The following LDHB variants were observed in gnomAD, a reference collection of about 807,000 sequenced individuals.
LDHB encodes the protein lactate dehydrogenase B.
Under a neutral mutation model 33.4 loss-of-function variants are expected in LDHB, and 18 were observed. The ratio of observed to expected loss-of-function variants is 0.54; its 90% confidence interval spans 0.37 to 0.80. The LOEUF is 0.80. LDHB is among the 30% of genes least tolerant of loss of function. The pLI, the probability that LDHB is intolerant of heterozygous loss-of-function variation, is 0.00. For missense variants in LDHB, 345 were observed against 407.9 expected, an observed-to-expected ratio of 0.85 and a Z score of 1.33; for synonymous variants, 121 against 140.6, an observed-to-expected ratio of 0.86 and a Z score of 0.98.
chr12:21,638,324 C>T (rs374535521), intron 6 of LDHB, 29 bp downstream of exon 6: 1 of 1,117,870 alleles, frequency 8.9e-7, no homozygotes, highest in African/African-American at 1.5e-5. Flanking sequence ...TGAAATTAAT[C>T]ATCTAAAATC....
chr12:21,646,152 A>G (rs1361665695), intron 3 of LDHB, among the ~76,000 whole-genome samples: 2 of 152,224 alleles, frequency 1.3e-5, no homozygotes, highest in African/African-American at 4.8e-5. Flanking sequence ...GACTAATTTT[A>G]TAACAGACTG....
intron 2 of LDHB, 49 bp from the exon 3 acceptor site, chr12:21,647,065 G>T (rs1540405): frequency 2.9e-6 from 3 of 1,032,858 alleles, no homozygotes; most frequent in Non-Finnish European, 4.6e-6. Context: ...TCTAGGATGC[G>T]TCAGCTCACA....
chr12:21,648,394 G>A (rs531440856), intron 2 of LDHB, among the ~76,000 whole-genome samples: 33 of 152,020 alleles, frequency 2.2e-4, no homozygotes, highest in African/African-American at 6.8e-4. Context: ...TGTGGGTTTC[G>A]CATCCCCTGA....
At chr12:21,641,469 AC>A (rs1256118489) in intron 5 of LDHB, among the ~76,000 whole-genome samples, 1 of 152,174 alleles carries the variant, frequency 6.6e-6, no homozygotes, top group Non-Finnish European at 1.5e-5. Flanking sequence ...AGACTGAGAA[AC>A]TGTTCCAGAA....
At chr12:21,645,466 C>T (rs1342563240) in intron 3 of LDHB, among the ~76,000 whole-genome samples, 3 of 152,126 alleles carry the variant, frequency 2.0e-5, no homozygotes, top group African/African-American at 7.2e-5. Context: ...GTCTCCTGCT[C>T]GTCCCTGGGC....
chr12:21,650,231 T>C (rs112178251), intron 2 of LDHB, among the ~76,000 whole-genome samples: 1 of 152,150 alleles, frequency 6.6e-6, no homozygotes, highest in African/African-American at 2.4e-5. Context: ...ATTAACTAAA[T>C]GGATATGTGC....
At chr12:21,636,457 C>G (rs1938219856) in intron 7 of LDHB, among the ~76,000 whole-genome samples, 1 of 151,728 alleles carries the variant, frequency 6.6e-6, no homozygotes, top group African/African-American at 2.4e-5. Context: ...ACCTTAATGT[C>G]AGTTTTTAAA....
At position 21,638,394 on chromosome 12, in the gene LDHB, A is replaced by G. The variant is rs1938274626; in HGVS notation, c.672T>C (p.Asp224=). 3.7e-6 allele frequency: 6 copies of G among 1,611,086 alleles called. No homozygotes were observed. The highest frequency in any genetic ancestry group is 4.5e-5 in the East Asian group (2 of 44,802). Residue 224 remains aspartate (D), a synonymous_variant, in exon 6 of 8, where the codon GAT becomes GAC. Coordinates refer to ENST00000350669, the MANE Select transcript of LDHB (RefSeq NM_002300.8). ...ELNPEMGTDN[D]SENWKEVHKM... ...TATGCACTTCCTTCCAATTTTCACTATCATTGTCAGTTCCCATTTCTGGAT... is the reference window on the plus strand; with the variant it reads ...TATGCACTTCCTTCCAATTTTCACTGTCATTGTCAGTTCCCATTTCTGGAT...
chr12:21,638,923 T>A (rs1259287593), intron 5 of LDHB, among the ~76,000 whole-genome samples: 1 of 151,798 alleles, frequency 6.6e-6, no homozygotes, highest in Non-Finnish European at 1.5e-5. Context: ...GAAAGTGGGG[T>A]AAAAATTATA....
At chr12:21,650,104 A>AAAATG (rs1555165525) in intron 2 of LDHB, among the ~76,000 whole-genome samples, 1 of 1,336 alleles carries the variant, frequency 7.5e-4, no homozygotes, top group Non-Finnish European at 8.5e-3. Context: ...GAGAAAAAAA[A>AAAATG]TACACACACA....
chr12:21,638,964 A>T (rs1015076547), intron 5 of LDHB, among the ~76,000 whole-genome samples: 7 of 152,018 alleles, frequency 4.6e-5, no homozygotes, highest in Non-Finnish European at 8.8e-5. Context: ...AAAGGAGAAG[A>T]GTATCAGAAA....
At chr12:21,639,522 A>G (rs1224435105) in intron 5 of LDHB, among the ~76,000 whole-genome samples, 2 of 151,922 alleles carry the variant, frequency 1.3e-5, no homozygotes, top group Non-Finnish European at 2.9e-5. Flanking sequence ...CCTGAACTAG[A>G]GGACATGTAA....
At chr12:21,638,091 A>G (rs1938265582) in intron 6 of LDHB, among the ~76,000 whole-genome samples, 1 of 151,988 alleles carries the variant, frequency 6.6e-6, no homozygotes, top group Non-Finnish European at 1.5e-5. Flanking sequence ...TGGCAATTTG[A>G]AGACTCTTCT....
At chr12:21,638,651 T>C (rs1273294793) in intron 5 of LDHB, 181 bp from the exon 6 acceptor site, 13 of 584,116 alleles carry the variant, frequency 2.2e-5, no homozygotes, top group Non-Finnish European at 1.2e-5. Flanking sequence ...ACGTTTGCCT[T>C]CAAATAGCAA....
intron 5 of LDHB, among the ~76,000 whole-genome samples, chr12:21,640,801 T>C (rs1161956143): frequency 2.0e-5 from 3 of 151,904 alleles, no homozygotes; most frequent in Non-Finnish European, 2.9e-5. Flanking sequence ...GTGCAATTTA[T>C]TGTGCAAGAC....
intron 7 of LDHB, 56 bp downstream of exon 7, chr12:21,637,014 CT>C (rs1342422085): frequency 1.4e-6 from 2 of 1,406,876 alleles, no homozygotes; most frequent in East Asian, 2.3e-5. Context: ...TTAAATGAAT[CT>C]TTTTGTAGAA....
intron 5 of LDHB, among the ~76,000 whole-genome samples, chr12:21,641,337 A>G (rs1462204421): frequency 2.6e-5 from 4 of 152,268 alleles, no homozygotes; most frequent in African/African-American, 9.6e-5. Context: ...TGGTATTTGC[A>G]CCAAAAGTTC....
chr12:21,644,425 A>AG (rs1565627581), intron 3 of LDHB, among the ~76,000 whole-genome samples: 1 of 117,644 alleles, frequency 8.5e-6, no homozygotes, highest in African/African-American at 3.8e-5. Flanking sequence ...GGTAGACATC[A>AG]AAAAAAAAAA....
chr12:21,639,376 T>C (rs2136962939), intron 5 of LDHB, among the ~76,000 whole-genome samples: 1 of 152,106 alleles, frequency 6.6e-6, no homozygotes, highest in South Asian at 2.1e-4. Flanking sequence ...ATAATTCTAG[T>C]GGTAGCTATG....
Sources: gnomAD v4.1 joint callset for allele counts (sites outside exome capture counted in the v4.1 genomes callset) on GRCh38, gnomAD v4.1.1 for gene constraint, MANE v1.5 for transcripts, NCBI Gene and HGNC (gene_info 2026-07-23, HGNC 2026-07-21) for gene names.